Variants in SUN1 observed in about 807,000 individuals in gnomAD.
SUN1 encodes Sad1 and UNC84 domain containing 1.
A neutral mutation model predicts 103.2 loss-of-function variants in SUN1; 61 were observed. That is an observed-to-expected ratio of 0.59 (90% CI 0.48 to 0.73). The LOEUF (loss-of-function observed/expected upper bound fraction) is 0.73. SUN1 is among the 30% of genes least tolerant of loss of function. SUN1 has a pLI of 0.00. For missense variants in SUN1, 1,052 were observed against 1,034.6 expected (o/e 1.02, Z -0.23); for synonymous variants, 490 against 425.7 (o/e 1.15, Z -1.86).
rs535313187 is a variant in SUN1 at position 872,967 on chromosome 7, A to T, written c.2242-248A>T. The stretch of plus-strand genomic sequence containing the variant: ...CTGGGCGTGGTGGCGCACGCCTGTA[A>T]TCCCAGCTACTCAGGAGGCTGAGGC... On this transcript the variant is annotated intron_variant, in intron 18 of 18. Coordinates refer to ENST00000401592, the MANE Select transcript of SUN1 (RefSeq NM_001130965.3). 1.4e-4 allele frequency among the ~76,000 whole-genome samples: 21 copies of T among 152,296 alleles called. No individual in the cohort carries two copies. The South Asian group carries it at 3.9e-3, about 29-fold the overall frequency.
Position 852,014 on chromosome 7 carries a change from T to A in SUN1, c.822T>A (p.Ile274=). 1.2e-6 allele frequency: 2 copies of A among 1,614,180 alleles called. No homozygotes were observed. Among genetic ancestry groups the A allele is most frequent in the Non-Finnish European group, 1.7e-6 (2 of 1,180,012 alleles). The change falls in exon 7 of 19, where the codon ATT becomes ATA. Residue 274 remains isoleucine (I), a synonymous_variant. Transcript: ENST00000401592. ...GATGGTACCAGTTTGTTACTTTGATTTCTTGGCTGAATGTGTTTCTTCTTA... is the reference window on the plus strand; with the variant it reads ...GATGGTACCAGTTTGTTACTTTGATATCTTGGCTGAATGTGTTTCTTCTTA... ...GIGWYQFVTL[I]SWLNVFLLTR...
At position 874,312 on chromosome 7, in the gene SUN1, A is replaced by G. The variant is rs1284420852; in HGVS notation, c.*981A>G. 1 of 152,632 alleles carries G rather than the reference A, an allele frequency of 6.6e-6. No individual in the cohort carries two copies. Among genetic ancestry groups the G allele is most frequent in the Non-Finnish European group, 1.5e-5 (1 of 68,042 alleles). 9.5% of individuals were successfully genotyped at this position (152,632 alleles called of 1,614,324 possible). On this transcript the variant is annotated 3_prime_UTR_variant, in exon 19 of 19. Coordinates refer to ENST00000401592, the MANE Select transcript of SUN1 (RefSeq NM_001130965.3). The stretch of plus-strand genomic sequence containing the variant: ...TCTGCCTTTTATCACAGCTGTCACC[A>G]TTCTCACGTGATTCTTGTGAGACTC...
In SUN1 at chr7:832,572, G is replaced by A. The variant is rs774055457; in HGVS notation, c.48G>A (p.Pro16=). Residue 16 remains proline (P), a synonymous_variant, in exon 1 of 19, where the codon CCG becomes CCA. Coordinates refer to ENST00000401592, the MANE Select transcript of SUN1 (RefSeq NM_001130965.3). ...TGTACAGTCCTCCCCAGTGTGTGCC[G>A]GAGAACACGGGCTACACGTATGCGC... ...LHMYSPPQCV[P]ENTGYTYALS... is the part of the protein sequence containing the mutation. 13 of 1,612,416 alleles carry A rather than the reference G, an allele frequency of 8.1e-6. No homozygotes were observed. Among genetic ancestry groups the A allele is most frequent in the Admixed American group, 1.7e-5 (1 of 59,808 alleles).
At chr7:829,020 C>A (rs544598863), upstream of SUN1, among the ~76,000 whole-genome samples, 2 of 152,376 alleles carry the variant, frequency 1.3e-5, no homozygotes, top group African/African-American at 4.8e-5. Context: ...CAAAGCCATG[C>A]CAGGCATGAC....
intron 1 of SUN1, among the ~76,000 whole-genome samples, chr7:835,755 A>G (rs962869809): frequency 1.3e-5 from 2 of 152,198 alleles, no homozygotes; most frequent in Non-Finnish European, 2.9e-5. Context: ...ACCCACCCGC[A>G]GTAAAATCCA....
chr7:817,228 C>T (rs1280249735), intron 1 of SUN1: 3 of 597,344 alleles, frequency 5.0e-6, no homozygotes, highest in Non-Finnish European at 8.9e-6. Context: ...CCGAAGCGCT[C>T]GGATCACAGG....
intron 15 of SUN1, among the ~76,000 whole-genome samples, chr7:863,126 A>T (rs542184656): frequency 3.9e-4 from 60 of 152,280 alleles, no homozygotes; most frequent in Non-Finnish European, 7.9e-4. Flanking sequence ...TGGGTGACAG[A>T]GCGAGACTCC....
intron 1 of SUN1, among the ~76,000 whole-genome samples, chr7:827,342 GT>G: frequency 6.6e-6 from 1 of 151,402 alleles, no homozygotes; most frequent in African/African-American, 2.4e-5. Context: ...ATTTAGTTTT[GT>G]TCTGTTTTCA....
At chr7:856,496 G>T in intron 12 of SUN1, 95 bp downstream of exon 12, 1 of 1,443,198 alleles carries the variant, frequency 6.9e-7, no homozygotes, top group Non-Finnish European at 9.7e-7. Flanking sequence ...ACCCGGGGCC[G>T]GCCTCCCCCG....
intron 7 of SUN1, 54 bp from the exon 8 acceptor site, chr7:852,555 G>A (rs950298635): frequency 1.7e-5 from 28 of 1,608,054 alleles, no homozygotes; most frequent in South Asian, 3.3e-5. Flanking sequence ...AAACAGATTG[G>A]TGAACCCTGA....
In SUN1 at chr7:874,372, A is replaced by G. The variant is rs977136512; in HGVS notation, c.*1041A>G. 3.3e-5 allele frequency: 5 copies of G among 152,628 alleles called. No individual in the cohort carries two copies. The highest frequency in any genetic ancestry group is 2.0e-4 in the Admixed American group (3 of 15,274). 9.5% of individuals were successfully genotyped at this position (152,628 alleles called of 1,614,324 possible). ...ATAATTACTATTTAATATTTAGACTATTTTACTGAGCAGACTTTATAAATG... is the reference window on the plus strand; with the variant it reads ...ATAATTACTATTTAATATTTAGACTGTTTTACTGAGCAGACTTTATAAATG... On this transcript the variant is annotated 3_prime_UTR_variant, in exon 19 of 19. Transcript: ENST00000401592.
rs773780772 is a variant in SUN1, at chr7:857,914, A to C, written c.1481A>C (p.His494Pro). Residue 494 changes from histidine to proline, a missense_variant, in exon 13 of 19, where the codon CAC becomes CCC. Around this residue, in one of 2 missense-constraint regions of SUN1, gnomAD observed 846 missense variants for 774.5 expected, o/e 1.09. Transcript: ENST00000401592. ...QLKSELSSWR[H>P]VKTGCETVDA... ...AAGTCAGAGCTGTCCAGCTGGCGAC[A>C]CGTGAAGACCGGCTGTGAGACAGTG... 3 of 1,601,788 alleles carry C rather than the reference A, an allele frequency of 1.9e-6. No individual in the cohort carries two copies. The South Asian group carries it at 3.3e-5, about 18-fold the overall frequency.
At chr7:828,428 C>A (rs1312232184), upstream of SUN1, among the ~76,000 whole-genome samples, 2 of 151,892 alleles carry the variant, frequency 1.3e-5, no homozygotes, top group Non-Finnish European at 2.9e-5. Context: ...CCCGCCACCA[C>A]ACCCAGCTAA....
rs757673047 is a variant in SUN1 at position 852,876 on chromosome 7, T to C, written c.977T>C (p.Met326Thr). 2 of 1,614,110 alleles carry C rather than the reference T, an allele frequency of 1.2e-6. No homozygotes were observed. Among genetic ancestry groups the C allele is most frequent in the South Asian group, 2.2e-5 (2 of 91,082 alleles). ...SFLPVLNWAS[M>T]HRTQRVDDPQ... is the part of the protein sequence containing the mutation. ...TTGCCCGTGTTGAACTGGGCAAGCA[T>C]GCATAGAACACAGCGGGTGGATGAC... The change falls in exon 9 of 19, where the codon ATG becomes ACG. Residue 326 changes from methionine (M) to threonine (T), a missense_variant. Transcript: ENST00000401592.
At chr7:827,861 A>G (rs1018292322), upstream of SUN1, among the ~76,000 whole-genome samples, 3 of 152,150 alleles carry the variant, frequency 2.0e-5, no homozygotes, top group African/African-American at 4.8e-5. Flanking sequence ...GTAAAAGGTA[A>G]ATGGTATTAA....
chr7:845,395 G>A (rs1223499267), intron 5 of SUN1, among the ~76,000 whole-genome samples: 2 of 152,222 alleles, frequency 1.3e-5, no homozygotes, highest in East Asian at 1.9e-4. Flanking sequence ...CTTCACGCCT[G>A]CCTTGCCCTC....
chr7:850,201 T>C lies in SUN1; in HGVS notation c.659-1183T>C, dbSNP rs1584814264. 3 of 661,362 alleles carry C rather than the reference T, an allele frequency of 4.5e-6. No homozygotes were observed. The East Asian group carries it at 8.4e-5, about 19-fold the overall frequency. 41.0% of individuals were successfully genotyped at this position (661,362 alleles called of 1,614,324 possible). On this transcript the variant is annotated intron_variant, in intron 5 of 18. Coordinates refer to ENST00000401592, the MANE Select transcript of SUN1 (RefSeq NM_001130965.3). ...GGTGAATCTCTCTCGAAAAGCTCCC[T>C]TGTAAATATTTTTTGGAAGCGGAGT...
chr7:836,707 G>T (rs1252941275), intron 1 of SUN1, among the ~76,000 whole-genome samples: 2 of 152,202 alleles, frequency 1.3e-5, no homozygotes, highest in African/African-American at 4.8e-5. Context: ...TAATTTAAAT[G>T]TTACTGTCAT....
intron 13 of SUN1, among the ~76,000 whole-genome samples, chr7:859,105 A>G (rs1403719599): frequency 6.6e-6 from 1 of 151,208 alleles, no homozygotes; most frequent in African/African-American, 2.4e-5. Context: ...GCGAGCCAAG[A>G]TCGCGCCACT....
Sources: allele counts gnomAD v4.1 joint callset (sites outside exome capture counted in the v4.1 genomes callset), GRCh38; gene constraint gnomAD v4.1.1; regional missense constraint gnomAD v4.1.1; transcripts MANE v1.5; gene names NCBI Gene and HGNC (gene_info 2026-07-23, HGNC 2026-07-21).